The following TTC7A variants were observed in gnomAD, a reference collection of about 807,000 sequenced individuals.
TTC7A encodes the protein tetratricopeptide repeat domain 7A.
TTC7A carries 110 observed loss-of-function variants against 103.7 expected under a neutral mutation model. That is an observed-to-expected ratio of 1.06 (90% CI 0.91 to 1.24). TTC7A has a LOEUF of 1.24. Ranked by LOEUF, TTC7A falls within the 50% of genes most tolerant of loss-of-function variation. The pLI is 0.00. For synonymous variants in TTC7A, 521 were observed against 467.9 expected (o/e 1.11, Z -1.47); for missense variants, 1,340 against 1,116.3 (o/e 1.20, Z -2.86).
chr2:47,037,988 T>C (rs1324480924), intron 15 of TTC7A, among the ~76,000 whole-genome samples: 1 of 152,130 alleles, frequency 6.6e-6, no homozygotes, highest in Non-Finnish European at 1.5e-5. Context: ...CGGTCACTCA[T>C]GCCTGTAATC....
At position 46,975,543 on chromosome 2, in the gene TTC7A, G is replaced by A. The variant is rs187876415; in HGVS notation, c.648+440G>A. On this transcript the variant is annotated intron_variant, in intron 4 of 19. Coordinates refer to ENST00000319190, the MANE Select transcript of TTC7A (RefSeq NM_020458.4). ...GGCTGGTAAAAGAGTTGGTCGGCAGGGCTCTGGCAGTTTTCAGATCCCCCT... is the reference window on the plus strand; with the variant it reads ...GGCTGGTAAAAGAGTTGGTCGGCAGAGCTCTGGCAGTTTTCAGATCCCCCT... Among the ~76,000 whole-genome samples the A allele has an allele frequency of 2.6e-3, 398 of 151,740 alleles. 10 individuals carry two copies. Among genetic ancestry groups the A allele is most frequent in the Admixed American group, 0.023 (352 of 15,252 alleles).
chr2:46,957,021 C>G lies in TTC7A; in HGVS notation c.517+14C>G, dbSNP rs770037054. On this transcript the variant is annotated intron_variant, in intron 3 of 19. Coordinates refer to ENST00000319190, the MANE Select transcript of TTC7A (RefSeq NM_020458.4). Reference sequence around the variant, plus strand: ...TTGTCATCAAAGGTAGCTGTGGGCACCAGCCTGGGCTCCCCTCCACTGTGT... The same window carrying G: ...TTGTCATCAAAGGTAGCTGTGGGCAGCAGCCTGGGCTCCCCTCCACTGTGT... 231 of 1,613,860 alleles carry G rather than the reference C, an allele frequency of 1.4e-4. 1 individual carries two copies. Among genetic ancestry groups the G allele is most frequent in the Non-Finnish European group, 1.9e-4 (228 of 1,179,930 alleles).
At chr2:46,962,680 G>C (rs997215739) in intron 3 of TTC7A, among the ~76,000 whole-genome samples, 1 of 152,228 alleles carries the variant, frequency 6.6e-6, no homozygotes, top group Admixed American at 6.5e-5. Flanking sequence ...GCCTGGCCAT[G>C]GTGTCTCGGC....
intron 15 of TTC7A, among the ~76,000 whole-genome samples, chr2:47,032,922 A>G (rs1383144683): frequency 6.6e-6 from 1 of 151,206 alleles, no homozygotes; most frequent in Non-Finnish European, 1.5e-5. Flanking sequence ...ATATAATACT[A>G]TATATATGGC....
At position 47,053,726 on chromosome 2, in the gene TTC7A, C is replaced by T. The variant is rs530531856; in HGVS notation, c.2152+1846C>T. Among the ~76,000 whole-genome samples the T allele has an allele frequency of 6.6e-5, 10 of 152,226 alleles. No homozygotes were observed. The South Asian group carries it at 8.3e-4, about 13-fold the overall frequency. On this transcript the variant is annotated intron_variant, in intron 18 of 19. Coordinates refer to ENST00000319190, the MANE Select transcript of TTC7A (RefSeq NM_020458.4). Reference sequence around the variant, plus strand: ...AGCTGGGACTACAGGTGTGTGCCACCGTGCCCGGCTAATTTTTTTTGTATT... The same window carrying T: ...AGCTGGGACTACAGGTGTGTGCCACTGTGCCCGGCTAATTTTTTTTGTATT...
At chr2:46,969,263 G>A (rs1673140772) in intron 3 of TTC7A, among the ~76,000 whole-genome samples, 1 of 151,810 alleles carries the variant, frequency 6.6e-6, no homozygotes, top group South Asian at 2.1e-4. Flanking sequence ...CAGCACTTTG[G>A]GAGGCCGAGG....
At position 46,960,482 on chromosome 2, in the gene TTC7A, C is replaced by T. The variant is rs189502394; in HGVS notation, c.517+3475C>T. ...CTGATGTATGTCTCTGATGTATGTG[C>T]ATGTAGGGGGATGGGGGGAAGCAGG... On this transcript the variant is annotated intron_variant, in intron 3 of 19. Transcript: ENST00000319190. Among the ~76,000 whole-genome samples, 5 of 152,280 alleles carry T rather than the reference C, an allele frequency of 3.3e-5. No individual in the cohort carries two copies. In the East Asian group the frequency reaches 9.6e-4, roughly 29 times the overall value.
chr2:46,920,661 A>T (rs1425292291), intron 2 of TTC7A, among the ~76,000 whole-genome samples: 1 of 151,920 alleles, frequency 6.6e-6, no homozygotes, highest in Non-Finnish European at 1.5e-5. Context: ...AAAAAAAAAA[A>T]AATAGATAAA....
At position 46,993,476 on chromosome 2, in the gene TTC7A, T is replaced by C. The variant is rs1675832212; in HGVS notation, c.791T>C (p.Leu264Pro). 6.2e-7 allele frequency: 1 copy of C among 1,614,110 alleles called. No homozygotes were observed. Among genetic ancestry groups the C allele is most frequent in the Non-Finnish European group, 8.5e-7 (1 of 1,180,014 alleles). The change falls in exon 6 of 20, where the codon CTC (leucine) becomes CCC (proline). Residue 264 changes from leucine to proline, a missense_variant. By Grantham distance (98) the Leu-to-Pro change is moderately conservative (BLOSUM62 -3). Coordinates refer to ENST00000319190, the MANE Select transcript of TTC7A (RefSeq NM_020458.4). ...KGNIVKGMRE[L>P]REVLRTVETK... ...AACATCGTGAAGGGCATGAGAGAGC[T>C]CCGGGAGGTGCTGCGGACTGTGGAG...
chr2:47,017,131 C>T (rs1008206390), intron 11 of TTC7A, among the ~76,000 whole-genome samples: 22 of 138,070 alleles, frequency 1.6e-4, no homozygotes, highest in African/African-American at 5.2e-4. Flanking sequence ...ACCCAGGAGT[C>T]GGAGGTTGCA....
intron 5 of TTC7A, among the ~76,000 whole-genome samples, chr2:46,983,427 G>A (rs1674678376): frequency 6.6e-6 from 1 of 152,206 alleles, no homozygotes; most frequent in Non-Finnish European, 1.5e-5. Context: ...GTTGAAGCTG[G>A]AGATCACCAC....
intron 16 of TTC7A, among the ~76,000 whole-genome samples, chr2:47,049,377 G>A (rs557614303): frequency 6.6e-6 from 1 of 152,044 alleles, no homozygotes; most frequent in Non-Finnish European, 1.5e-5. Context: ...TAGCAGCAGG[G>A]ATCTGGGAAA....
At chr2:47,072,446 C>G (rs1018243527) in intron 19 of TTC7A, among the ~76,000 whole-genome samples, 2 of 152,246 alleles carry the variant, frequency 1.3e-5, no homozygotes, top group African/African-American at 4.8e-5. Context: ...TCCCACCGAA[C>G]TGGTTGTGTT....
At chr2:46,954,717 G>A (rs945309973) in intron 2 of TTC7A, among the ~76,000 whole-genome samples, 2 of 151,806 alleles carry the variant, frequency 1.3e-5, no homozygotes, top group African/African-American at 2.4e-5. Context: ...GATTACAGGC[G>A]CCCACCACCA....
intron 19 of TTC7A, among the ~76,000 whole-genome samples, chr2:47,064,280 G>T (rs1439371010): frequency 6.6e-6 from 1 of 152,236 alleles, no homozygotes; most frequent in Non-Finnish European, 1.5e-5. Flanking sequence ...AGAAAAAGAA[G>T]TGTGCTCTCT....
intron 8 of TTC7A, among the ~76,000 whole-genome samples, chr2:46,997,082 G>A (rs779251424): frequency 7.2e-5 from 11 of 152,118 alleles, no homozygotes; most frequent in Non-Finnish European, 1.5e-4. Context: ...AGGTTAAAGC[G>A]ATTCTTCTGT....
At chr2:47,041,683 G>A (rs1314497728) in intron 15 of TTC7A, among the ~76,000 whole-genome samples, 1 of 151,194 alleles carries the variant, frequency 6.6e-6, no homozygotes, top group African/African-American at 2.4e-5. Context: ...AACCCAGGAG[G>A]CAGAGGTTGC....
chr2:46,959,942 T>C (rs915458014), intron 3 of TTC7A, among the ~76,000 whole-genome samples: 1 of 152,216 alleles, frequency 6.6e-6, no homozygotes, highest in Non-Finnish European at 1.5e-5. Flanking sequence ...CACATTTGCT[T>C]AGAAACAATA....
At chr2:47,056,414 A>T (rs1683318611) in intron 18 of TTC7A, among the ~76,000 whole-genome samples, 1 of 152,022 alleles carries the variant, frequency 6.6e-6, no homozygotes. Flanking sequence ...AAGCACACTC[A>T]CCTGGAGAAG....
Sources: gnomAD v4.1 joint callset for allele counts (sites outside exome capture counted in the v4.1 genomes callset) on GRCh38, gnomAD v4.1.1 for gene constraint, MANE v1.5 for transcripts, NCBI Gene and HGNC (gene_info 2026-07-23, HGNC 2026-07-21) for gene names.